Variants in CDH13 observed in about 807,000 individuals in gnomAD.
The protein encoded by CDH13 is cadherin-13.
CDH13 carries 24 observed loss-of-function variants against 63.8 expected under a neutral mutation model. The observed-to-expected ratio is 0.38, with a 90% confidence interval of 0.27 to 0.53. The LOEUF (loss-of-function observed/expected upper bound fraction) is 0.53. CDH13 is among the 20% of genes least tolerant of loss of function. CDH13 has a pLI of 0.85. For synonymous variants in CDH13, 503 were observed against 355.3 expected (o/e 1.42, Z -4.67); for missense variants, 1,049 against 903.1 (o/e 1.16, Z -2.07).
chr16:83,167,407 G>C (rs990811536), intron 4 of CDH13, among the ~76,000 whole-genome samples: 3 of 147,658 alleles, frequency 2.0e-5, no homozygotes, highest in African/African-American at 7.5e-5. Context: ...TGAGGCAGGA[G>C]AATCTCTTGA....
chr16:83,579,652 A>T (rs1482458609), intron 7 of CDH13, among the ~76,000 whole-genome samples: 2 of 152,102 alleles, frequency 1.3e-5, no homozygotes, highest in Non-Finnish European at 2.9e-5. Context: ...CCCAAATCCA[A>T]ACCGTATCAA....
intron 1 of CDH13, among the ~76,000 whole-genome samples, chr16:82,726,389 A>T (rs1205377960): frequency 3.3e-5 from 5 of 152,264 alleles, no homozygotes; most frequent in Non-Finnish European, 5.9e-5. Flanking sequence ...TTTATTGTGG[A>T]CATTGCAGCT....
chr16:83,252,129 C>CACACACAT (rs377101317), intron 5 of CDH13, among the ~76,000 whole-genome samples: 21 of 89,166 alleles, frequency 2.4e-4, no homozygotes, highest in African/African-American at 8.3e-4. Context: ...CACACACACA[C>CACACACAT]ATATATATGT....
chr16:83,587,496 C>G (rs1906283911), intron 7 of CDH13, among the ~76,000 whole-genome samples: 1 of 152,150 alleles, frequency 6.6e-6, no homozygotes, highest in South Asian at 2.1e-4. Context: ...CTGTGTGGAG[C>G]CGATTACACA....
chr16:83,260,430 C>T (rs1001305272), intron 5 of CDH13, among the ~76,000 whole-genome samples: 2 of 152,086 alleles, frequency 1.3e-5, no homozygotes, highest in African/African-American at 4.8e-5. Flanking sequence ...TCATATTTCT[C>T]CCCAGCACAG....
chr16:82,674,197 G>C (rs1467644991), intron 1 of CDH13, among the ~76,000 whole-genome samples: 1 of 152,148 alleles, frequency 6.6e-6, no homozygotes, highest in East Asian at 1.9e-4. Flanking sequence ...CACCCCTTAA[G>C]GCAGCCTGGT....
At chr16:82,903,194 A>C (rs1026243856) in intron 2 of CDH13, among the ~76,000 whole-genome samples, 2 of 152,232 alleles carry the variant, frequency 1.3e-5, no homozygotes, top group African/African-American at 4.8e-5. Flanking sequence ...CACTAATTCA[A>C]ACATGGTGTC....
intron 4 of CDH13, among the ~76,000 whole-genome samples, chr16:83,138,282 T>C (rs938763674): frequency 3.3e-5 from 5 of 152,108 alleles, no homozygotes; most frequent in African/African-American, 1.2e-4. Flanking sequence ...CACTGGCTAC[T>C]GCTTATGGAT....
intron 4 of CDH13, among the ~76,000 whole-genome samples, chr16:83,159,826 G>A (rs2037371111): frequency 2.0e-5 from 3 of 152,108 alleles, no homozygotes; most frequent in Non-Finnish European, 4.4e-5. Context: ...TGTAATCCTA[G>A]CACTTTGGGA....
chr16:83,109,068 C>T (rs936172115), intron 3 of CDH13, among the ~76,000 whole-genome samples: 1 of 152,158 alleles, frequency 6.6e-6, no homozygotes, highest in Non-Finnish European at 1.5e-5. Context: ...CTGGGGAGCA[C>T]AGACTAAGAG....
At chr16:83,385,760 T>C (rs1356781353) in intron 6 of CDH13, among the ~76,000 whole-genome samples, 1 of 152,128 alleles carries the variant, frequency 6.6e-6, no homozygotes, top group Non-Finnish European at 1.5e-5. Context: ...GGGAACCTCC[T>C]CACATTCACC....
At chr16:83,121,364 G>A (rs866844164) in intron 3 of CDH13, among the ~76,000 whole-genome samples, 1 of 152,180 alleles carries the variant, frequency 6.6e-6, no homozygotes, top group Non-Finnish European at 1.5e-5. Context: ...GTAAATTGGA[G>A]CAGTTTGCAT....
chr16:83,376,263 C>T lies in CDH13; in HGVS notation c.781+31257C>T, dbSNP rs574415287. On this transcript the variant is annotated intron_variant, in intron 6 of 13. Transcript: ENST00000567109. ...GTTGGCCCAGTTTAAGTCATGTGCCCATCCCTGAATTAGTCTCTGTATGCA... is the reference window on the plus strand; with the variant it reads ...GTTGGCCCAGTTTAAGTCATGTGCCTATCCCTGAATTAGTCTCTGTATGCA... 5.3e-4 allele frequency among the ~76,000 whole-genome samples: 80 copies of T among 152,256 alleles called. 1 individual carries two copies. Among genetic ancestry groups the T allele is most frequent in the African/African-American group, 1.9e-3 (78 of 41,546 alleles).
At chr16:83,375,809 G>A (rs2091449398) in intron 6 of CDH13, among the ~76,000 whole-genome samples, 1 of 152,158 alleles carries the variant, frequency 6.6e-6, no homozygotes. Flanking sequence ...GAAAGAGTAA[G>A]GCTTGATCTG....
intron 6 of CDH13, among the ~76,000 whole-genome samples, chr16:83,419,913 T>TG (rs1567660060): frequency 8.2e-5 from 8 of 97,220 alleles, no homozygotes; most frequent in Non-Finnish European, 6.6e-5. Flanking sequence ...AATCGTCCAA[T>TG]CTTTTTTTTT....
intron 7 of CDH13, among the ~76,000 whole-genome samples, chr16:83,591,485 G>A (rs968779443): frequency 6.6e-6 from 1 of 152,208 alleles, no homozygotes; most frequent in Non-Finnish European, 1.5e-5. Flanking sequence ...GTTCCTTGAA[G>A]GTAGGGCAGG....
intron 2 of CDH13, among the ~76,000 whole-genome samples, chr16:82,963,160 C>A (rs1200533956): frequency 6.7e-6 from 1 of 149,636 alleles, no homozygotes; most frequent in Non-Finnish European, 1.5e-5. Context: ...CACCTGAGGT[C>A]AGGAGTTGAA....
intron 7 of CDH13, among the ~76,000 whole-genome samples, chr16:83,539,502 G>T (rs1038688038): frequency 3.3e-5 from 5 of 152,186 alleles, no homozygotes; most frequent in African/African-American, 1.2e-4. Flanking sequence ...ACATGAAAGT[G>T]AAAGGCTGAA....
At chr16:83,120,500 A>G (rs952058323) in intron 3 of CDH13, among the ~76,000 whole-genome samples, 65 of 152,212 alleles carry the variant, frequency 4.3e-4, no homozygotes, top group African/African-American at 1.5e-3. Flanking sequence ...CATTGTCATC[A>G]TGAACTGAGG....
Sources: gnomAD v4.1 joint callset for allele counts (sites outside exome capture counted in the v4.1 genomes callset) on GRCh38, gnomAD v4.1.1 for gene constraint, MANE v1.5 for transcripts, NCBI Gene and HGNC (gene_info 2026-07-23, HGNC 2026-07-21) for gene names.